MYBPC2: variants seen among roughly 807,000 people sequenced by gnomAD.
The protein encoded by MYBPC2 is myosin-binding protein C, fast-type.
MYBPC2 carries 122 observed loss-of-function variants against 137.0 expected under a neutral mutation model. That is an observed-to-expected ratio of 0.89 (90% confidence interval 0.77 to 1.03). MYBPC2 has a LOEUF of 1.03. Among genes scored for constraint, MYBPC2 ranks in the 50% least tolerant of loss-of-function variants. MYBPC2 has a pLI of 0.00. For missense variants in MYBPC2, 1,500 were observed against 1,534.4 expected (o/e 0.98, Z 0.37); for synonymous variants, 626 against 612.3 (o/e 1.02, Z -0.33).
In MYBPC2 at chr19:50,461,914, C is replaced by T; in HGVS notation, c.3106C>T (p.Pro1036Ser). 1.3e-6 allele frequency: 2 copies of T among 1,597,814 alleles called. No individual in the cohort carries two copies. The highest frequency in any genetic ancestry group is 1.7e-6 in the Non-Finnish European group (2 of 1,171,800). ...RILKTGITFKPFEYKEHDFRM... is the reference protein window; with the variant it reads ...RILKTGITFKSFEYKEHDFRM... Reference sequence around the variant, plus strand: ...TCTCTCCCCAGGAATCACCTTCAAACCGTTCGAGTATAAGGAGCATGACTT... The same window carrying T: ...TCTCTCCCCAGGAATCACCTTCAAATCGTTCGAGTATAAGGAGCATGACTT... Residue 1036 changes from proline (P) to serine (S), a missense_variant, in exon 26 of 28, where the codon CCG becomes TCG. By Grantham distance (74) the Pro-to-Ser change is moderately conservative (BLOSUM62 -1). Transcript: ENST00000357701.
chr19:50,443,278 G>A (rs1248672841), intron 9 of MYBPC2, among the ~76,000 whole-genome samples: 5 of 151,872 alleles, frequency 3.3e-5, no homozygotes, highest in South Asian at 2.1e-4. Context: ...AGCTGTGATC[G>A]CACCACTGCA....
rs761743423 is a variant in MYBPC2 at position 50,435,173 on chromosome 19, C to A, written c.32C>A (p.Ala11Asp). Residue 11 changes from alanine (A) to aspartate (D), a missense_variant, in exon 2 of 28, where the codon GCC (alanine) becomes GAC (aspartate). Coordinates refer to ENST00000357701, the MANE Select transcript of MYBPC2 (RefSeq NM_004533.4). The surrounding 1 kb of genome is among the most constrained non-coding windows in gnomAD (Gnocchi z 4.8). MPEAKPAAKKAPKGKDAPKGA... is the reference protein window; with the variant it reads MPEAKPAAKKDPKGKDAPKGA... The stretch of plus-strand genomic sequence containing the variant: ...CCCTACCTTACAGCGGCCAAAAAGG[C>A]CCCCAAAGGCAAAGATGCCCCCAAA... 4.5e-6 allele frequency: 6 copies of A among 1,330,286 alleles called. No individual in the cohort carries two copies. The East Asian group carries it at 7.0e-5, about 15-fold the overall frequency. 82.4% of individuals were successfully genotyped at this position (1,330,286 alleles called of 1,614,324 possible).
At chr19:50,447,966 C>A (rs559998233) in intron 12 of MYBPC2, among the ~76,000 whole-genome samples, 5 of 152,306 alleles carry the variant, frequency 3.3e-5, no homozygotes, top group Admixed American at 3.3e-4. Context: ...CACGCTGGTC[C>A]CTCTACCTGG....
chr19:50,452,042 G>T lies in MYBPC2; in HGVS notation c.1749+39G>T, dbSNP rs533561601. On this transcript the variant is annotated intron_variant, in intron 16 of 27. Transcript: ENST00000357701. ...GCCCCTCTGTCCTCACTCCCTTTCC[G>T]TTTAGGCAAGTCTCTTTCCCCCTGA... The T allele has an allele frequency of 3.3e-6, 5 of 1,535,840 alleles. No individual in the cohort carries two copies. In the East Asian group the frequency reaches 7.4e-5, roughly 23 times the overall value.
At chr19:50,457,991 T>C (rs916269276) in intron 20 of MYBPC2, among the ~76,000 whole-genome samples, 1 of 151,508 alleles carries the variant, frequency 6.6e-6, no homozygotes, top group South Asian at 2.1e-4. Context: ...ATGTTAGGGA[T>C]GGTTTCCCAT....
In MYBPC2 at chr19:50,461,532, C is replaced by G. The variant is rs751430261; in HGVS notation, c.2932-10C>G. On this transcript the variant is annotated splice_polypyrimidine_tract_variant and intron_variant, in intron 24 of 27. Coordinates refer to ENST00000357701, the MANE Select transcript of MYBPC2 (RefSeq NM_004533.4). ...CCGACCCGCCTGGTCCCTCCCTGTC[C>G]CCACACTAGGAGTGGTTCAACGTCT... 1.1e-5 allele frequency: 18 copies of G among 1,612,238 alleles called. No individual in the cohort carries two copies. The highest frequency in any genetic ancestry group is 1.4e-5 in the Non-Finnish European group (17 of 1,179,076).
rs746899570 is a variant in MYBPC2, at chr19:50,452,466, GTGTATGTATGTATGTA to G, written c.1749+493_1749+508del. The stretch of plus-strand genomic sequence containing the variant: ...TATCTGTCTATCTATCTATGTATCT[GTGTATGTATGTATGTA>G]TGTATGTATGTATGTATGTATGTAT... On this transcript the variant is annotated intron_variant, in intron 16 of 27. Transcript: ENST00000357701. Among the ~76,000 whole-genome samples, 281 of 147,186 alleles carry G rather than the reference GTGTATGTATGTATGTA, an allele frequency of 1.9e-3. 1 individual carries two copies. Among genetic ancestry groups the G allele is most frequent in the African/African-American group, 6.1e-3 (239 of 39,358 alleles).
rs2039746807 is a variant in MYBPC2 at position 50,440,828 on chromosome 19, A to T, written c.573-52A>T. The T allele has an allele frequency of 7.2e-6, 11 of 1,533,650 alleles. No individual in the cohort carries two copies. In the South Asian group the frequency reaches 9.9e-5, roughly 14 times the overall value. On this transcript the variant is annotated intron_variant, in intron 7 of 27. Coordinates refer to ENST00000357701, the MANE Select transcript of MYBPC2 (RefSeq NM_004533.4). The stretch of plus-strand genomic sequence containing the variant: ...CAATGAGTGAAGAAGGCAGAGGGAC[A>T]TCCTCCCTTCCTCACTCCCTGATGG...
rs2040008172 is a variant in MYBPC2 at position 50,465,536 on chromosome 19, A to C, written c.3416-659A>C. On this transcript the variant is annotated intron_variant, in intron 27 of 27. Transcript: ENST00000357701. This position sits in a 1 kb window ranked among gnomAD's most constrained non-coding sequence, Gnocchi z 4.5. ...GACAGGGTGGCTGGGGACCCTTAAC[A>C]AAGGCTCAGAGAGGACACTTTCTAG... is the stretch of plus-strand genomic sequence containing the variant. 2.0e-5 allele frequency among the ~76,000 whole-genome samples: 3 copies of C among 152,108 alleles called. No individual in the cohort carries two copies. The South Asian group carries it at 6.2e-4, about 32-fold the overall frequency.
intron 21 of MYBPC2, 25 bp from the exon 22 acceptor site, chr19:50,458,893 C>T (rs377179059): frequency 2.3e-4 from 367 of 1,603,844 alleles, no homozygotes; most frequent in Non-Finnish European, 3.0e-4. Flanking sequence ...CCCGCTGAGC[C>T]CCCTCCCTGT....
chr19:50,453,472 C>T (rs929691203), intron 16 of MYBPC2, among the ~76,000 whole-genome samples: 1 of 152,130 alleles, frequency 6.6e-6, no homozygotes, highest in African/African-American at 2.4e-5. Flanking sequence ...GCACAGGGAC[C>T]AGCCTTGCAA....
rs557852048 is a variant in MYBPC2, at chr19:50,460,247, G to T, written c.2931+68G>T. 29 of 1,513,304 alleles carry T rather than the reference G, an allele frequency of 1.9e-5. No individual in the cohort carries two copies. The Admixed American group carries it at 4.8e-4, about 25-fold the overall frequency. 93.7% of individuals were successfully genotyped at this position (1,513,304 alleles called of 1,614,324 possible). On this transcript the variant is annotated intron_variant, in intron 24 of 27. Transcript: ENST00000357701. ...GGCAGAGCAGGTGCAGATGTCCCCC[G>T]TTCACAGCTGGAAGGGCAGGGAGGG...
intron 5 of MYBPC2, among the ~76,000 whole-genome samples, chr19:50,436,987 G>A (rs901973971): frequency 1.3e-5 from 2 of 152,178 alleles, no homozygotes; most frequent in African/African-American, 4.8e-5. Context: ...GGTGAGTTAT[G>A]CACATTCCAC....
chr19:50,436,545 G>A (rs1447491859), intron 4 of MYBPC2, 72 bp from the exon 5 acceptor site: 72 of 1,341,966 alleles, frequency 5.4e-5, no homozygotes, highest in Non-Finnish European at 7.5e-5. Context: ...AGAGCTATGA[G>A]TGGACTCTGA....
chr19:50,459,934 TAA>T, intron 23 of MYBPC2, 104 bp from the exon 24 acceptor site: 1 of 1,431,156 alleles, frequency 7.0e-7, no homozygotes, highest in South Asian at 1.2e-5. Context: ...GAATGGGGCA[TAA>T]GAGAGGTTAG....
In MYBPC2 at chr19:50,436,638, A is replaced by G. The variant is rs2039706409; in HGVS notation, c.367A>G (p.Ile123Val). 1.2e-6 allele frequency: 2 copies of G among 1,613,906 alleles called. No homozygotes were observed. Among genetic ancestry groups the G allele is most frequent in the African/African-American group, 1.3e-5 (1 of 75,050 alleles). The change falls in exon 5 of 28, where the codon ATT becomes GTT. Residue 123 changes from isoleucine (I) to valine (V), a missense_variant. Transcript: ENST00000357701. ...ASNVYTVELHIGKVVLGDRGY... is the reference protein window; with the variant it reads ...ASNVYTVELHVGKVVLGDRGY... ...CCAGGTGTACACCGTGGAGCTGCAC[A>G]TTGGGAAGGTGGTACTGGGGGACCG...
At chr19:50,459,913 G>A (rs1414601371) in intron 23 of MYBPC2, 127 bp from the exon 24 acceptor site, 56 of 1,375,530 alleles carry the variant, frequency 4.1e-5, no homozygotes, top group South Asian at 6.5e-5. Context: ...GGAGGCCATA[G>A]GCAGGAATGG....
chr19:50,448,380 C>A lies in MYBPC2; in HGVS notation c.1462C>A (p.His488Asn). The A allele has an allele frequency of 6.2e-7, 1 of 1,613,398 alleles. No homozygotes were observed. The highest frequency in any genetic ancestry group is 1.1e-5 in the South Asian group (1 of 91,032). The change falls in exon 13 of 28, where the codon CAT (histidine) becomes AAT (asparagine). Residue 488 changes from histidine to asparagine, a missense_variant. Transcript: ENST00000357701. ...GCCCAGCAAGAGGATCACCATTTCC[C>A]ATGTAGGCAGGTGAGGAGTGGGCTG... ...VRPSKRITISHVGRFHKLVID... is the reference protein window; with the variant it reads ...VRPSKRITISNVGRFHKLVID...
At chr19:50,448,761 T>G (rs1307963596) in intron 13 of MYBPC2, among the ~76,000 whole-genome samples, 2 of 132,382 alleles carry the variant, frequency 1.5e-5, no homozygotes, top group African/African-American at 3.0e-5. Context: ...CGCCTGGACT[T>G]TTTCTTTTCT....
Sources: gnomAD v4.1 joint callset for allele counts (sites outside exome capture counted in the v4.1 genomes callset) on GRCh38, gnomAD v4.1.1 for gene constraint, Gnocchi (gnomAD v3.1) non-coding constraint, MANE v1.5 for transcripts, NCBI Gene and HGNC (gene_info 2026-07-23, HGNC 2026-07-21) for gene names.